PTK2: variants seen among roughly 807,000 people sequenced by gnomAD.
PTK2 encodes the protein focal adhesion kinase 1.
PTK2 carries 45 observed loss-of-function variants against 150.1 expected under a neutral mutation model. That is an observed-to-expected ratio of 0.30 (90% CI 0.24 to 0.38). The LOEUF (loss-of-function observed/expected upper bound fraction) is 0.38. PTK2 is among the 10% of genes least tolerant of loss of function. PTK2 has a pLI of 1.00. For missense variants in PTK2, 919 were observed against 1,307.3 expected, an observed-to-expected ratio of 0.70 and a Z score of 4.58; for synonymous variants, 432 against 449.2, an observed-to-expected ratio of 0.96 and a Z score of 0.48.
At chr8:140,959,499 A>G (rs539092469) in intron 1 of PTK2, among the ~76,000 whole-genome samples, 2 of 148,826 alleles carry the variant, frequency 1.3e-5, no homozygotes, top group East Asian at 2.0e-4. Flanking sequence ...AGATCACGAC[A>G]CTGCACTCCA....
chr8:140,727,744 A>T (rs1266276926), intron 22 of PTK2, among the ~76,000 whole-genome samples: 1 of 152,156 alleles, frequency 6.6e-6, no homozygotes, highest in Admixed American at 6.5e-5. Flanking sequence ...TCTATAATAC[A>T]TCTATAAAAC....
intron 13 of PTK2, among the ~76,000 whole-genome samples, chr8:140,790,219 T>C (rs753368093): frequency 4.6e-5 from 7 of 152,204 alleles, no homozygotes; most frequent in Non-Finnish European, 7.4e-5. Flanking sequence ...GATCTTTTTA[T>C]AAGAGAAAAC....
chr8:141,000,220 G>C (rs2100199551), intron 1 of PTK2, among the ~76,000 whole-genome samples: 1 of 152,162 alleles, frequency 6.6e-6, no homozygotes, highest in Non-Finnish European at 1.5e-5. Flanking sequence ...GGCAGAGTCG[G>C]GGGCTGGGGG....
intron 1 of PTK2, among the ~76,000 whole-genome samples, chr8:140,941,519 C>T (rs1467456824): frequency 1.3e-5 from 2 of 152,056 alleles, no homozygotes; most frequent in African/African-American, 4.8e-5. Flanking sequence ...TCCTGAAGAT[C>T]GTAAAATGAT....
intron 11 of PTK2, among the ~76,000 whole-genome samples, chr8:140,802,534 G>A (rs764442308): frequency 6.6e-6 from 1 of 152,116 alleles, no homozygotes; most frequent in Non-Finnish European, 1.5e-5. Flanking sequence ...TTAAGTATAT[G>A]GTGTGTACAG....
At chr8:140,804,100 T>C (rs1290536302) in intron 10 of PTK2, among the ~76,000 whole-genome samples, 2 of 152,128 alleles carry the variant, frequency 1.3e-5, no homozygotes, top group African/African-American at 4.8e-5. Context: ...GTTCTGAAAC[T>C]AACTGGAGAT....
chr8:140,681,961 C>T (rs2100017244), intron 27 of PTK2, among the ~76,000 whole-genome samples: 1 of 152,080 alleles, frequency 6.6e-6, no homozygotes, highest in Admixed American at 6.5e-5. Context: ...CTTAGCGTTC[C>T]AATAATGGAA....
intron 23 of PTK2, among the ~76,000 whole-genome samples, chr8:140,710,526 C>T (rs957705573): frequency 1.3e-5 from 2 of 151,860 alleles, no homozygotes; most frequent in Non-Finnish European, 2.9e-5. Flanking sequence ...AAAAAATTAG[C>T]CAGGCGTGGT....
At chr8:140,746,466 C>G (rs2100058828) in intron 18 of PTK2, 3 of 260,012 alleles carry the variant, frequency 1.2e-5, no homozygotes, top group Admixed American at 1.1e-4. Flanking sequence ...GTTTTTTAGG[C>G]AATGGCACCA....
At chr8:140,841,539 C>T (rs2100122367) in intron 7 of PTK2, among the ~76,000 whole-genome samples, 3 of 152,010 alleles carry the variant, frequency 2.0e-5, no homozygotes, top group Admixed American at 2.0e-4. Flanking sequence ...TTCTGGAATG[C>T]CTTTTTAAAA....
chr8:140,784,549 A>G (rs894970180), intron 14 of PTK2, among the ~76,000 whole-genome samples: 1 of 152,158 alleles, frequency 6.6e-6, no homozygotes, highest in African/African-American at 2.4e-5. Context: ...TTTCTAGGGT[A>G]ATTTTAACCC....
intron 27 of PTK2, among the ~76,000 whole-genome samples, chr8:140,685,071 G>C (rs1168490277): frequency 6.6e-6 from 1 of 152,114 alleles, no homozygotes; most frequent in Non-Finnish European, 1.5e-5. Context: ...ACAGAATACA[G>C]AGCCTAGAAA....
At position 140,905,499 on chromosome 8, in the gene PTK2, C is replaced by T. The variant is rs575230490; in HGVS notation, c.-32-14730G>A. On this transcript the variant is annotated intron_variant, in intron 2 of 31. Coordinates refer to ENST00000522684, the Ensembl canonical transcript of PTK2. ...TAACTATCTTAAATATATATATGCACCCAATACAGGAGCACCCAGATTCAT... is the reference window on the plus strand; with the variant it reads ...TAACTATCTTAAATATATATATGCATCCAATACAGGAGCACCCAGATTCAT... Among the ~76,000 whole-genome samples the T allele has an allele frequency of 3.3e-5, 5 of 152,258 alleles. No individual in the cohort carries two copies. The South Asian group carries it at 1.0e-3, about 32-fold the overall frequency.
chr8:140,771,756 C>T lies in PTK2; in HGVS notation c.1178-7466G>A, dbSNP rs147653124. 4.4e-3 allele frequency among the ~76,000 whole-genome samples: 670 copies of T among 151,318 alleles called. 4 individuals are homozygous for T. The highest frequency in any genetic ancestry group is 0.015 in the African/African-American group (631 of 41,216). On this transcript the variant is annotated intron_variant, in intron 14 of 31. Coordinates refer to ENST00000522684, the Ensembl canonical transcript of PTK2. ...GTACACTTCAGTAATATTTTTCAAA[C>T]GGTATGCTTTGATCCTATTAACATT... is the stretch of plus-strand genomic sequence containing the variant.
chr8:140,937,827 T>A (rs558517946), intron 1 of PTK2, among the ~76,000 whole-genome samples: 2 of 152,138 alleles, frequency 1.3e-5, no homozygotes, highest in Non-Finnish European at 2.9e-5. Flanking sequence ...TGGCTGCACG[T>A]CTGTAGTCCC....
intron 5 of PTK2, among the ~76,000 whole-genome samples, chr8:140,859,507 G>A (rs1326487950): frequency 1.3e-5 from 2 of 152,158 alleles, no homozygotes; most frequent in African/African-American, 4.8e-5. Flanking sequence ...CTAGAATTCA[G>A]TGGAAGTATG....
chr8:140,783,712 A>T (rs1404654795), intron 14 of PTK2, among the ~76,000 whole-genome samples: 2 of 152,232 alleles, frequency 1.3e-5, no homozygotes, highest in East Asian at 3.8e-4. Flanking sequence ...TATTTCATTA[A>T]ATGTTTTAAT....
chr8:140,877,025 C>CTTTTTTTTTTTTTTT (rs60000363), intron 4 of PTK2, among the ~76,000 whole-genome samples: 1 of 71,830 alleles, frequency 1.4e-5, no homozygotes, highest in Non-Finnish European at 2.5e-5. Flanking sequence ...TTCACTAATC[C>CTTTTTTTTTTTTTTT]TTTTTTTTTT....
intron 7 of PTK2, among the ~76,000 whole-genome samples, chr8:140,842,982 C>G (rs1351187053): frequency 6.6e-6 from 1 of 152,078 alleles, no homozygotes; most frequent in Non-Finnish European, 1.5e-5. Context: ...ATAATAATCA[C>G]AAGCCCTTAT....
Sources: allele counts gnomAD v4.1 joint callset (sites outside exome capture counted in the v4.1 genomes callset), GRCh38; gene constraint gnomAD v4.1.1; transcripts MANE v1.5; gene names NCBI Gene and HGNC (gene_info 2026-07-23, HGNC 2026-07-21).